Variants in PLCB4 observed in about 807,000 individuals in gnomAD.
The protein encoded by PLCB4 is phospholipase C beta 4.
In PLCB4, 77 loss-of-function variants were observed where a neutral mutation model predicts 178.8. That is an observed-to-expected ratio of 0.43 (90% CI 0.36 to 0.52). PLCB4 has a LOEUF of 0.52. Ranked by LOEUF, PLCB4 falls within the 20% of genes least tolerant of loss-of-function variation. The pLI is 0.00. For synonymous variants in PLCB4, 496 were observed against 490.8 expected (o/e 1.01, Z -0.14); for missense variants, 1,024 against 1,453.4 (o/e 0.70, Z 4.80).
Position 9,385,740 on chromosome 20 carries a change from G to A in PLCB4, c.1064+1329G>A, listed in dbSNP as rs60500639. Among the ~76,000 whole-genome samples the A allele has an allele frequency of 9.5e-3, 1,434 of 150,954 alleles. 21 individuals are homozygous for A. Among genetic ancestry groups the A allele is most frequent in the African/African-American group, 0.033 (1,345 of 41,094 alleles). On this transcript the variant is annotated intron_variant, in intron 14 of 39. Coordinates refer to ENST00000378473, the MANE Select transcript of PLCB4 (RefSeq NM_001377142.1). ...GCGCTCCTCGCTTCCCAGACGGGGCGGCCGGGCAGAGGTGCTCCTCGCTTC... is the reference window on the plus strand; with the variant it reads ...GCGCTCCTCGCTTCCCAGACGGGGCAGCCGGGCAGAGGTGCTCCTCGCTTC...
chr20:9,209,788 C>T (rs1342561831), intron 2 of PLCB4, among the ~76,000 whole-genome samples: 1 of 151,700 alleles, frequency 6.6e-6, no homozygotes, highest in Non-Finnish European at 1.5e-5. Context: ...GTGGTGAAAC[C>T]CCGTCTCTAC....
intron 7 of PLCB4, among the ~76,000 whole-genome samples, chr20:9,355,149 A>G (rs2148185520): frequency 6.6e-6 from 1 of 152,322 alleles, no homozygotes; most frequent in Non-Finnish European, 1.5e-5. Context: ...TTCTTTTAAC[A>G]GTGTACTAGC....
intron 2 of PLCB4, among the ~76,000 whole-genome samples, chr20:9,112,889 T>TTTA (rs376483903): frequency 1.5e-4 from 23 of 151,278 alleles, no homozygotes; most frequent in East Asian, 3.9e-4. Flanking sequence ...TTGCCCTTTT[T>TTTA]AAAAAAAAAT....
At chr20:9,345,391 G>GT (rs1267947531) in intron 7 of PLCB4, among the ~76,000 whole-genome samples, 5 of 151,910 alleles carry the variant, frequency 3.3e-5, no homozygotes, top group Admixed American at 1.3e-4. Flanking sequence ...GTTTTCTTTT[G>GT]TTTTTTCCTC....
chr20:9,212,006 G>A (rs1201324564), intron 2 of PLCB4, among the ~76,000 whole-genome samples: 1 of 152,208 alleles, frequency 6.6e-6, no homozygotes, highest in Non-Finnish European at 1.5e-5. Flanking sequence ...GTACATTCAT[G>A]GCTTTGCAGT....
At chr20:9,409,260 C>T in intron 24 of PLCB4, 79 bp downstream of exon 24, 3 of 1,205,512 alleles carry the variant, frequency 2.5e-6, no homozygotes, top group Non-Finnish European at 3.4e-6. Flanking sequence ...CATCAGTTGG[C>T]TGTGGGCATT....
chr20:9,210,793 G>A (rs1401013596), intron 2 of PLCB4, among the ~76,000 whole-genome samples: 3 of 152,118 alleles, frequency 2.0e-5, no homozygotes, highest in Non-Finnish European at 4.4e-5. Flanking sequence ...AGTATATGGG[G>A]GCAGTTCCAG....
intron 3 of PLCB4, among the ~76,000 whole-genome samples, chr20:9,280,885 A>G (rs2094489259): frequency 6.6e-6 from 1 of 151,760 alleles, no homozygotes; most frequent in South Asian, 2.1e-4. Context: ...TATTTGTATT[A>G]TAGTTCAGCA....
At chr20:9,463,614 A>AAC (rs1435559141) in intron 35 of PLCB4, among the ~76,000 whole-genome samples, 3 of 149,638 alleles carry the variant, frequency 2.0e-5, no homozygotes, top group Non-Finnish European at 4.5e-5. Flanking sequence ...AAAAAAAAAA[A>AAC]GCAGGGGTTG....
At position 9,459,786 on chromosome 20, in the gene PLCB4, A is replaced by G. The variant is rs375126953; in HGVS notation, c.3224A>G (p.Gln1075Arg). The G allele has an allele frequency of 6.8e-6, 11 of 1,610,104 alleles. No individual in the cohort carries two copies. Among genetic ancestry groups the G allele is most frequent in the African/African-American group, 1.3e-5 (1 of 74,902 alleles). ...ATCAATGCCCACGAGCAGCAAACCC[A>G]GCAGCTGAAACTGTCCCATGACAGG... ...LLINAHEQQTQQLKLSHDRES... is the reference protein window; with the variant it reads ...LLINAHEQQTRQLKLSHDRES... Residue 1075 changes from glutamine (Q) to arginine (R), a missense_variant, in exon 35 of 40, where the codon CAG becomes CGG. Physicochemically the swap from Gln to Arg is conservative, Grantham distance 43. Coordinates refer to ENST00000378473, the MANE Select transcript of PLCB4 (RefSeq NM_001377142.1).
intron 18 of PLCB4, among the ~76,000 whole-genome samples, chr20:9,395,185 C>T (rs1303011273): frequency 6.6e-6 from 1 of 152,202 alleles, no homozygotes; most frequent in Non-Finnish European, 1.5e-5. Flanking sequence ...GTGCCAGATT[C>T]TCCAAATTAT....
chr20:9,352,293 G>C (rs1006270672), intron 7 of PLCB4, among the ~76,000 whole-genome samples: 1 of 152,126 alleles, frequency 6.6e-6, no homozygotes, highest in Non-Finnish European at 1.5e-5. Context: ...TATACTCTAT[G>C]TATACATTTT....
rs751168702 is a variant in PLCB4 at position 9,437,172 on chromosome 20, T to G, written c.2764+20T>G. The G allele has an allele frequency of 6.2e-7, 1 of 1,608,002 alleles. No homozygotes were observed. The highest frequency in any genetic ancestry group is 1.7e-5 in the Admixed American group (1 of 59,376). On this transcript the variant is annotated intron_variant, in intron 30 of 39. Coordinates refer to ENST00000378473, the MANE Select transcript of PLCB4 (RefSeq NM_001377142.1). ...AGAAAGGTGAGAGAGAGCCGTTGGG[T>G]TCCTTATCTTCTGCACCCACCTTAA...
At position 9,267,667 on chromosome 20, in the gene PLCB4, A is replaced by G. The variant is rs186693136; in HGVS notation, c.-15-40133A>G. On this transcript the variant is annotated intron_variant, in intron 3 of 39. Coordinates refer to ENST00000378473, the MANE Select transcript of PLCB4 (RefSeq NM_001377142.1). ...TACATGAAAATATGTAGAAAAATAT[A>G]CATTTTGGGCTGAAGATTAACCTTC... Among the ~76,000 whole-genome samples the G allele has an allele frequency of 4.6e-4, 70 of 152,270 alleles. 1 individual carries two copies. The highest frequency in any genetic ancestry group is 1.6e-3 in the African/African-American group (65 of 41,550).
At chr20:9,450,421 C>T (rs149521699) in intron 32 of PLCB4, among the ~76,000 whole-genome samples, 94 of 152,282 alleles carry the variant, frequency 6.2e-4, no homozygotes, top group African/African-American at 2.2e-3. Context: ...TATCCCAAAA[C>T]ACTTCAGCAA....
chr20:9,460,768 G>A (rs2043337960), intron 35 of PLCB4, among the ~76,000 whole-genome samples: 1 of 152,172 alleles, frequency 6.6e-6, no homozygotes, highest in Non-Finnish European at 1.5e-5. Flanking sequence ...AACTGCATAA[G>A]TTATCTGGCT....
chr20:9,357,751 G>A (rs547528616), intron 7 of PLCB4, among the ~76,000 whole-genome samples: 7 of 152,258 alleles, frequency 4.6e-5, no homozygotes, highest in South Asian at 4.1e-4. Context: ...ATCTGTTGGC[G>A]CCTTGATCTT....
At chr20:9,435,464 C>T (rs2041705653) in intron 28 of PLCB4, 96 bp from the exon 29 acceptor site, 2 of 715,620 alleles carry the variant, frequency 2.8e-6, no homozygotes, top group South Asian at 3.7e-5. Context: ...GAAAGCACAA[C>T]AGGTATCCAG....
chr20:9,156,159 T>C (rs1381848977), intron 2 of PLCB4, among the ~76,000 whole-genome samples: 1 of 152,202 alleles, frequency 6.6e-6, no homozygotes, highest in Non-Finnish European at 1.5e-5. Flanking sequence ...CATGGGTACT[T>C]CTGTTCTTCA....
Sources: allele counts gnomAD v4.1 joint callset (sites outside exome capture counted in the v4.1 genomes callset), GRCh38; gene constraint gnomAD v4.1.1; transcripts MANE v1.5; gene names NCBI Gene and HGNC (gene_info 2026-07-23, HGNC 2026-07-21).